FRMD4A: variants seen among roughly 807,000 people sequenced by gnomAD.
FRMD4A encodes FERM domain containing 4A, also known as FERM domain-containing protein 4A.
Under a neutral mutation model 129.1 loss-of-function variants are expected in FRMD4A, and 29 were observed. The ratio of observed to expected loss-of-function variants is 0.22; its 90% CI spans 0.17 to 0.31. FRMD4A has a LOEUF of 0.31. FRMD4A is among the 10% of genes least tolerant of loss of function. FRMD4A has a pLI of 1.00. For synonymous variants in FRMD4A, 634 were observed against 571.6 expected, an observed-to-expected ratio of 1.11 and a Z score of -1.56; for missense variants, 1,272 against 1,375.8, an observed-to-expected ratio of 0.92 and a Z score of 1.19.
chr10:13,870,378 G>C (rs12253540), intron 2 of FRMD4A, among the ~76,000 whole-genome samples: 3,534 of 152,298 alleles, frequency 0.023, 158 homozygotes, highest in African/African-American at 0.081. Context: ...AGTTTCAAGA[G>C]TGGGCCACCT....
At chr10:14,128,388 G>A (rs1839044015) in intron 2 of FRMD4A, among the ~76,000 whole-genome samples, 1 of 152,088 alleles carries the variant, frequency 6.6e-6, no homozygotes, top group South Asian at 2.1e-4. Context: ...AGAGGCATGA[G>A]CCACCCCGCC....
At chr10:14,237,994 G>C (rs1469341641) in intron 2 of FRMD4A, among the ~76,000 whole-genome samples, 1 of 152,098 alleles carries the variant, frequency 6.6e-6, no homozygotes, top group African/African-American at 2.4e-5. Flanking sequence ...TGCATTCATG[G>C]GACCCCTCCC....
chr10:14,311,394 C>T (rs770584416), intron 2 of FRMD4A, among the ~76,000 whole-genome samples: 23 of 152,308 alleles, frequency 1.5e-4, no homozygotes, highest in Middle Eastern at 6.8e-3. Context: ...CCAATTCAAC[C>T]GGCTGAGTGT....
chr10:14,095,535 G>A (rs1381641672), intron 2 of FRMD4A, among the ~76,000 whole-genome samples: 10 of 152,310 alleles, frequency 6.6e-5, no homozygotes, highest in African/African-American at 1.7e-4. Flanking sequence ...GCACCTCGCC[G>A]GGATACTGCA....
In FRMD4A at chr10:13,763,677, C is replaced by T. The variant is rs565478958; in HGVS notation, c.385-997G>A. Among the ~76,000 whole-genome samples the T allele has an allele frequency of 1.2e-3, 187 of 152,240 alleles. 1 individual carries two copies. Among genetic ancestry groups the T allele is most frequent in the African/African-American group, 4.5e-3 (185 of 41,552 alleles). ...GAAAAAATTCCTTTTCTCTCTCTCT[C>T]TTTATATTTATATTTTTGAAATACA... is the stretch of plus-strand genomic sequence containing the variant. On this transcript the variant is annotated intron_variant, in intron 6 of 24. Transcript: ENST00000357447.
intron 2 of FRMD4A, among the ~76,000 whole-genome samples, chr10:14,220,248 C>T (rs1408072343): frequency 1.3e-5 from 2 of 152,244 alleles, no homozygotes; most frequent in Non-Finnish European, 2.9e-5. Flanking sequence ...GTGTGAGTCA[C>T]CTCCACCAAG....
chr10:13,649,980 T>C (rs139317826), intron 24 of FRMD4A, among the ~76,000 whole-genome samples: 120 of 152,308 alleles, frequency 7.9e-4, no homozygotes, highest in Non-Finnish European at 6.2e-4. Flanking sequence ...CCCTGGGCAG[T>C]CTGGGTCACA....
At chr10:14,266,057 T>C (rs937752021) in intron 2 of FRMD4A, among the ~76,000 whole-genome samples, 1 of 151,354 alleles carries the variant, frequency 6.6e-6, no homozygotes, top group African/African-American at 2.4e-5. Context: ...ACATAAATAC[T>C]GCTGGGCCAC....
intron 2 of FRMD4A, among the ~76,000 whole-genome samples, chr10:13,979,705 T>C (rs1156749795): frequency 1.3e-5 from 2 of 152,224 alleles, no homozygotes; most frequent in African/African-American, 4.8e-5. Context: ...TCATAGTCTC[T>C]TTGCTCTCTA....
At chr10:13,853,012 G>C (rs1163156666) in intron 3 of FRMD4A, among the ~76,000 whole-genome samples, 1 of 152,072 alleles carries the variant, frequency 6.6e-6, no homozygotes, top group African/African-American at 2.4e-5. Context: ...GGAATCATAG[G>C]GACGCTTTGT....
rs1016583435 is a variant in FRMD4A, at chr10:13,677,241, T to C, written c.1118-2197A>G. Among the ~76,000 whole-genome samples, 19 of 152,348 alleles carry C rather than the reference T, an allele frequency of 1.2e-4. No individual in the cohort carries two copies. In the East Asian group the frequency reaches 1.3e-3, roughly 11 times the overall value. ...GGTTTTGTTCTTTCCCTTGCCTCAA[T>C]TTGAGCTTGAAATAGAGAATATATC... is the stretch of plus-strand genomic sequence containing the variant. On this transcript the variant is annotated intron_variant, in intron 15 of 24. Coordinates refer to ENST00000357447, the MANE Select transcript of FRMD4A (RefSeq NM_018027.5).
intron 3 of FRMD4A, among the ~76,000 whole-genome samples, chr10:13,813,939 C>A (rs540917151): frequency 6.6e-6 from 1 of 152,296 alleles, no homozygotes; most frequent in East Asian, 1.9e-4. Context: ...TGATTGCTAC[C>A]GCTTTCAAAG....
At chr10:14,054,342 G>C (rs1834405873) in intron 2 of FRMD4A, among the ~76,000 whole-genome samples, 1 of 152,124 alleles carries the variant, frequency 6.6e-6, no homozygotes, top group African/African-American at 2.4e-5. Context: ...CCAGCACTGT[G>C]ACTTTCCCAG....
rs551246969 is a variant in FRMD4A, at chr10:14,238,071, C to T, written c.45+91987G>A. ...AGTGCTTAAATCCCAGCCACTGCTC[C>T]CCGCTGGAGTCCACCTGAGAACTTT... On this transcript the variant is annotated intron_variant, in intron 2 of 24. Transcript: ENST00000357447. Among the ~76,000 whole-genome samples, 7 of 152,308 alleles carry T rather than the reference C, an allele frequency of 4.6e-5. No homozygotes were observed. In the South Asian group the frequency reaches 1.5e-3, roughly 32 times the overall value.
At chr10:14,159,643 T>C (rs1840777162) in intron 2 of FRMD4A, among the ~76,000 whole-genome samples, 1 of 151,964 alleles carries the variant, frequency 6.6e-6, no homozygotes, top group South Asian at 2.1e-4. Flanking sequence ...AAAGTTTATA[T>C]GAAATCACAA....
intron 2 of FRMD4A, among the ~76,000 whole-genome samples, chr10:14,286,347 C>T (rs61836118): frequency 0.09 from 13,720 of 152,184 alleles, 753 homozygotes; most frequent in Middle Eastern, 0.23. Flanking sequence ...AAGGACGAGA[C>T]GCTCCCGTGT....
At chr10:14,001,927 A>G (rs1003618484) in intron 2 of FRMD4A, among the ~76,000 whole-genome samples, 1 of 152,248 alleles carries the variant, frequency 6.6e-6, no homozygotes, top group Non-Finnish European at 1.5e-5. Flanking sequence ...ACTTCCCTGC[A>G]TGAATACATT....
intron 2 of FRMD4A, among the ~76,000 whole-genome samples, chr10:14,174,742 T>C (rs777721358): frequency 2.1e-4 from 32 of 152,192 alleles, no homozygotes; most frequent in Non-Finnish European, 4.1e-4. Context: ...CCTGGATAGT[T>C]AACTGGGTTC....
At chr10:14,259,348 A>C (rs1027832472) in intron 2 of FRMD4A, among the ~76,000 whole-genome samples, 7 of 152,204 alleles carry the variant, frequency 4.6e-5, no homozygotes, top group Non-Finnish European at 8.8e-5. Context: ...CTATTGAAGA[A>C]TATACAAATC....
Sources: gnomAD v4.1 joint callset for allele counts (sites outside exome capture counted in the v4.1 genomes callset) on GRCh38, gnomAD v4.1.1 for gene constraint, MANE v1.5 for transcripts, NCBI Gene and HGNC (gene_info 2026-07-23, HGNC 2026-07-21) for gene names.